UBE2L3: variants seen among roughly 807,000 people sequenced by gnomAD.
UBE2L3 encodes ubiquitin-conjugating enzyme E2 L3.
A neutral mutation model predicts 17.8 loss-of-function variants in UBE2L3; 1 was observed. The observed-to-expected ratio is 0.06, with a 90% CI of 0.02 to 0.27. The LOEUF (loss-of-function observed/expected upper bound fraction) is 0.27, where lower values mean the gene tolerates loss of function less well. Among genes scored for constraint, UBE2L3 ranks in the 10% least tolerant of loss-of-function variants. The probability of loss-of-function intolerance (pLI) is 1.00; values close to 1 mark genes in which losing one functional copy is unlikely to be tolerated. For missense variants in UBE2L3, 40 were observed against 192.6 expected, an observed-to-expected ratio of 0.21 and a Z score of 4.69; for synonymous variants, 44 against 68.5, an observed-to-expected ratio of 0.64 and a Z score of 1.76.
intron 1 of UBE2L3, among the ~76,000 whole-genome samples, chr22:21,556,616 TTTTTTTTTTTGTA>T (rs551649485): frequency 0.018 from 2,553 of 142,564 alleles, 4 homozygotes; most frequent in African/African-American, 0.065. Flanking sequence ...TCTTTTTTCT[TTTTTTTTTTTGTA>T]TTTTTTTTTT....
At chr22:21,582,422 C>T (rs540005488) in intron 1 of UBE2L3, among the ~76,000 whole-genome samples, 22 of 151,072 alleles carry the variant, frequency 1.5e-4, no homozygotes, top group East Asian at 1.4e-3. Flanking sequence ...GGTGCAATCT[C>T]GGTCTACTGC....
At chr22:21,601,252 G>A (rs1928841524) in intron 2 of UBE2L3, among the ~76,000 whole-genome samples, 1 of 151,956 alleles carries the variant, frequency 6.6e-6, no homozygotes, top group Admixed American at 6.6e-5. Context: ...ATGGAGTAAG[G>A]ACATATTCCA....
At chr22:21,587,116 C>A (rs576113481) in intron 1 of UBE2L3, among the ~76,000 whole-genome samples, 2 of 152,054 alleles carry the variant, frequency 1.3e-5, no homozygotes, top group East Asian at 3.9e-4. Flanking sequence ...AAACTCCTGG[C>A]CTCAAGTGAT....
chr22:21,568,419 G>A, intron 1 of UBE2L3: 1 of 985,404 alleles, frequency 1.0e-6, no homozygotes, highest in Non-Finnish European at 1.2e-6. Context: ...GGCCCCGATC[G>A]CGGCGCGGTT....
At chr22:21,569,587 A>G (rs1012188638) in intron 1 of UBE2L3, among the ~76,000 whole-genome samples, 3 of 152,050 alleles carry the variant, frequency 2.0e-5, no homozygotes, top group South Asian at 2.1e-4. Context: ...AAAAACCTCT[A>G]TGGTGTTATT....
intron 2 of UBE2L3, among the ~76,000 whole-genome samples, chr22:21,606,315 ATG>A (rs145064151): frequency 6.0e-5 from 9 of 150,302 alleles, no homozygotes; most frequent in Admixed American, 1.3e-4. Flanking sequence ...TGTGTGTGGT[ATG>A]TGTGTGTGTG....
intron 2 of UBE2L3, among the ~76,000 whole-genome samples, chr22:21,603,529 TA>T (rs780658850): frequency 0.032 from 2,597 of 79,960 alleles, 85 homozygotes; most frequent in African/African-American, 0.11. Context: ...GACTCTGTCT[TA>T]AAAAAAAAAA....
At chr22:21,578,843 G>C (rs1378225472) in intron 1 of UBE2L3, among the ~76,000 whole-genome samples, 1 of 152,132 alleles carries the variant, frequency 6.6e-6, no homozygotes, top group Non-Finnish European at 1.5e-5. Context: ...GATAGAGTAA[G>C]AGTTCAGATG....
At chr22:21,588,996 G>C (rs1928106258) in intron 1 of UBE2L3, among the ~76,000 whole-genome samples, 1 of 151,974 alleles carries the variant, frequency 6.6e-6, no homozygotes, top group Non-Finnish European at 1.5e-5. Flanking sequence ...GTTTTGCCAT[G>C]TTGGCCAGGC....
chr22:21,594,555 G>A (rs1302729299), intron 2 of UBE2L3, among the ~76,000 whole-genome samples: 1 of 152,074 alleles, frequency 6.6e-6, no homozygotes, highest in Non-Finnish European at 1.5e-5. Context: ...GCAGTTATTG[G>A]ATTTGTAGTT....
chr22:21,597,775 A>ATTTTTGTTTT (rs1928615908), intron 2 of UBE2L3, among the ~76,000 whole-genome samples: 1 of 25,552 alleles, frequency 3.9e-5, no homozygotes, highest in Non-Finnish European at 6.9e-5. Context: ...TTATATGTAG[A>ATTTTTGTTTT]TTTTTTTTTT....
intron 2 of UBE2L3, among the ~76,000 whole-genome samples, chr22:21,596,625 A>G (rs1034532146): frequency 3.3e-5 from 5 of 151,866 alleles, no homozygotes; most frequent in Admixed American, 3.3e-4. Flanking sequence ...TGCAACCTCC[A>G]TCTCCCGGGT....
At chr22:21,605,168 C>T (rs1929081333) in intron 2 of UBE2L3, among the ~76,000 whole-genome samples, 1 of 152,152 alleles carries the variant, frequency 6.6e-6, no homozygotes, top group African/African-American at 2.4e-5. Flanking sequence ...AAGTGAGATC[C>T]TGTCTTTACA....
chr22:21,576,377 A>G (rs1347756305), intron 1 of UBE2L3, among the ~76,000 whole-genome samples: 1 of 150,692 alleles, frequency 6.6e-6, no homozygotes, highest in Non-Finnish European at 1.5e-5. Context: ...GGCTCACTGC[A>G]AGCTCCACCT....
chr22:21,612,910 T>C (rs1441666899), intron 3 of UBE2L3, among the ~76,000 whole-genome samples: 2 of 152,176 alleles, frequency 1.3e-5, no homozygotes, highest in Non-Finnish European at 2.9e-5. Flanking sequence ...GTGCTGGGAT[T>C]ACAGGCATGA....
intron 1 of UBE2L3, chr22:21,568,419 G>T: frequency 1.0e-6 from 1 of 985,404 alleles, no homozygotes; most frequent in Non-Finnish European, 1.2e-6. Context: ...GGCCCCGATC[G>T]CGGCGCGGTT....
intron 2 of UBE2L3, among the ~76,000 whole-genome samples, chr22:21,595,287 A>G (rs559333443): frequency 4.6e-5 from 7 of 152,348 alleles, no homozygotes; most frequent in African/African-American, 1.2e-4. Flanking sequence ...GAATGTTTCA[A>G]TGAAGTCTTC....
At chr22:21,613,111 G>A (rs1362926780) in intron 3 of UBE2L3, among the ~76,000 whole-genome samples, 4 of 152,214 alleles carry the variant, frequency 2.6e-5, no homozygotes, top group South Asian at 2.1e-4. Flanking sequence ...TGCACCTCAG[G>A]TTCTGGCCAC....
intron 1 of UBE2L3, chr22:21,568,174 C>T: frequency 4.0e-6 from 4 of 1,003,024 alleles, no homozygotes; most frequent in Non-Finnish European, 4.7e-6. Flanking sequence ...GCCCGCGCCG[C>T]GGAACCGCCC....
Sources: gnomAD v4.1 joint callset for allele counts (sites outside exome capture counted in the v4.1 genomes callset) on GRCh38, gnomAD v4.1.1 for gene constraint, MANE v1.5 for transcripts, NCBI Gene and HGNC (gene_info 2026-07-23, HGNC 2026-07-21) for gene names.